The following PDE3A variants were observed in gnomAD, a reference collection of about 807,000 sequenced individuals.
PDE3A encodes the protein phosphodiesterase 3A.
Under a neutral mutation model 98.3 loss-of-function variants are expected in PDE3A, and 43 were observed. The observed-to-expected ratio is 0.44, with a 90% CI of 0.34 to 0.56. The LOEUF (loss-of-function observed/expected upper bound fraction) is 0.56, where lower values mean the gene tolerates loss of function less well. Ranked by LOEUF, PDE3A falls within the 20% of genes least tolerant of loss-of-function variation. The pLI is 0.01. For missense variants in PDE3A, 1,427 were observed against 1,440.7 expected, an observed-to-expected ratio of 0.99 and a Z score of 0.15; for synonymous variants, 663 against 567.9, an observed-to-expected ratio of 1.17 and a Z score of -2.38.
At chr12:20,393,645 A>T (rs10770647) in intron 1 of PDE3A, among the ~76,000 whole-genome samples, 34,375 of 152,010 alleles carry the variant, frequency 0.23, 4,463 homozygotes, top group East Asian at 0.4. Context: ...TCAATTAAAA[A>T]GTAAAGAAAA....
In PDE3A at chr12:20,376,363, G is replaced by C. The variant is rs1943570903; in HGVS notation, c.960+6119G>C. Among the ~76,000 whole-genome samples, 3 of 151,862 alleles carry C rather than the reference G, an allele frequency of 2.0e-5. No individual in the cohort carries two copies. The South Asian group carries it at 6.2e-4, about 31-fold the overall frequency. On this transcript the variant is annotated intron_variant, in intron 1 of 15. Coordinates refer to ENST00000359062, the MANE Select transcript of PDE3A (RefSeq NM_000921.5). ...TGAGGAAACAGTAGGAAAGGAGTCA[G>C]GCTGCTAACTTTAACCCTGGGTATC...
chr12:20,467,751 A>G (rs983584128), intron 1 of PDE3A, among the ~76,000 whole-genome samples: 1 of 151,798 alleles, frequency 6.6e-6, no homozygotes, highest in Non-Finnish European at 1.5e-5. Context: ...CCTGGCTAAC[A>G]TGGTGAAACC....
At position 20,613,620 on chromosome 12, in the gene PDE3A, C is replaced by T. The variant is rs1943923771; in HGVS notation, c.1189C>T (p.Pro397Ser). Residue 397 changes from proline to serine, a missense_variant, in exon 3 of 16, where the codon CCC (proline) becomes TCC (serine). Transcript: ENST00000359062. ...GGCCATTCACAAGCCCAGAGTGAAT[C>T]CCGTCACTTCGCTCAGTGAAAACTA... ...FQAIHKPRVN[P>S]VTSLSENYTC... 9.3e-6 allele frequency: 15 copies of T among 1,612,908 alleles called. No individual in the cohort carries two copies. The highest frequency in any genetic ancestry group is 1.2e-5 in the Non-Finnish European group (14 of 1,178,862).
intron 2 of PDE3A, among the ~76,000 whole-genome samples, chr12:20,602,254 A>G (rs1233088703): frequency 6.6e-6 from 1 of 152,202 alleles, no homozygotes; most frequent in Non-Finnish European, 1.5e-5. Context: ...TAAGAGAAAG[A>G]GAGAAAACCA....
intron 1 of PDE3A, among the ~76,000 whole-genome samples, chr12:20,470,319 G>A (rs1245762783): frequency 2.0e-5 from 3 of 152,086 alleles, no homozygotes; most frequent in Non-Finnish European, 2.9e-5. Flanking sequence ...GACTTGAGGT[G>A]GAATACTATA....
intron 1 of PDE3A, among the ~76,000 whole-genome samples, chr12:20,499,382 A>G (rs1303471204): frequency 6.6e-6 from 1 of 152,172 alleles, no homozygotes; most frequent in East Asian, 1.9e-4. Context: ...AGACTTTCAT[A>G]AGGATGCCGA....
intron 2 of PDE3A, among the ~76,000 whole-genome samples, chr12:20,583,418 C>G (rs193060394): frequency 9.5e-4 from 145 of 152,230 alleles, no homozygotes; most frequent in Non-Finnish European, 1.6e-3. Context: ...TTTGCCCTAT[C>G]TTAATTCCTA....
At position 20,633,215 on chromosome 12, in the gene PDE3A, T is replaced by C. The variant is rs142558377; in HGVS notation, c.1761-478T>C. On this transcript the variant is annotated intron_variant, in intron 6 of 15. Coordinates refer to ENST00000359062, the MANE Select transcript of PDE3A (RefSeq NM_000921.5). ...GTCCACCTGCCTTGGCCTCGAAAAG[T>C]GCTGGGATTACAGGCGTGAGCCCAT... is the stretch of plus-strand genomic sequence containing the variant. 8.1e-3 allele frequency among the ~76,000 whole-genome samples: 1,236 copies of C among 152,260 alleles called. 6 individuals carry two copies. The highest frequency in any genetic ancestry group is 0.012 in the Non-Finnish European group (844 of 68,026).
intron 1 of PDE3A, among the ~76,000 whole-genome samples, chr12:20,414,866 CA>C (rs1338200262): frequency 1.3e-5 from 2 of 151,956 alleles, no homozygotes; most frequent in African/African-American, 4.8e-5. Flanking sequence ...TTTTTCAGAG[CA>C]AAAGTTTGAT....
intron 1 of PDE3A, among the ~76,000 whole-genome samples, chr12:20,548,707 T>G (rs1236664177): frequency 6.6e-6 from 1 of 152,134 alleles, no homozygotes; most frequent in Non-Finnish European, 1.5e-5. Flanking sequence ...AATGAATTAT[T>G]TTGCAAAAAG....
intron 1 of PDE3A, among the ~76,000 whole-genome samples, chr12:20,384,893 G>T (rs375853951): frequency 5.3e-4 from 81 of 152,136 alleles, no homozygotes; most frequent in African/African-American, 1.9e-3. Flanking sequence ...AGTATTCCAT[G>T]GTGTATATGT....
chr12:20,654,084 A>G lies in PDE3A; in HGVS notation c.3063A>G (p.Leu1021=), dbSNP rs181063068. Reference sequence around the variant, plus strand: ...GCAACTCCTATGATTCAGCAGGACTAATGCCTGGAAAATGGGTGGAAGACA... The same window carrying G: ...GCAACTCCTATGATTCAGCAGGACTGATGCCTGGAAAATGGGTGGAAGACA... ...PLCNSYDSAG[L]MPGKWVEDSD... is the part of the protein sequence containing the mutation. The change falls in exon 15 of 16, where the codon CTA becomes CTG. Residue 1021 remains leucine (L), a synonymous_variant. Transcript: ENST00000359062. 1.2e-4 allele frequency: 186 copies of G among 1,614,132 alleles called. 1 individual carries two copies. The East Asian group carries it at 4.0e-3, about 35-fold the overall frequency.
In PDE3A at chr12:20,468,620, T is replaced by G. The variant is rs143269528; in HGVS notation, c.961-88040T>G. Among the ~76,000 whole-genome samples, 5 of 152,332 alleles carry G rather than the reference T, an allele frequency of 3.3e-5. No individual in the cohort carries two copies. In the East Asian group the frequency reaches 9.7e-4, roughly 29 times the overall value. On this transcript the variant is annotated intron_variant, in intron 1 of 15. Coordinates refer to ENST00000359062, the MANE Select transcript of PDE3A (RefSeq NM_000921.5). ...TCCCCTTCTATACACAGCTTCCCTG[T>G]AGCTCCCCTCTATACGCAGCTCCAA...
At position 20,393,975 on chromosome 12, in the gene PDE3A, C is replaced by T. The variant is rs138162984; in HGVS notation, c.960+23731C>T. 5.0e-3 allele frequency among the ~76,000 whole-genome samples: 754 copies of T among 152,078 alleles called. 2 individuals are homozygous for T. Among genetic ancestry groups the T allele is most frequent in the Non-Finnish European group, 7.7e-3 (520 of 67,972 alleles). ...GTGTCACATCCATCAGGTATGTTGA[C>T]GTGAGAGAAAAAGTTTACAAATCGC... is the stretch of plus-strand genomic sequence containing the variant. On this transcript the variant is annotated intron_variant, in intron 1 of 15. Coordinates refer to ENST00000359062, the MANE Select transcript of PDE3A (RefSeq NM_000921.5).
intron 1 of PDE3A, among the ~76,000 whole-genome samples, chr12:20,490,627 G>A (rs1025289166): frequency 6.6e-6 from 1 of 152,164 alleles, no homozygotes; most frequent in Non-Finnish European, 1.5e-5. Flanking sequence ...GCAATTCAAA[G>A]CAAATTTACT....
At position 20,420,217 on chromosome 12, in the gene PDE3A, C is replaced by T. The variant is rs567818859; in HGVS notation, c.960+49973C>T. ...TGGGTATCACATGGAGCCAGGGCTT[C>T]GGAGAAGAGAGAATGTCTGTATTGG... On this transcript the variant is annotated intron_variant, in intron 1 of 15. Transcript: ENST00000359062. Among the ~76,000 whole-genome samples the T allele has an allele frequency of 3.9e-5, 6 of 152,144 alleles. No homozygotes were observed. In the South Asian group the frequency reaches 8.3e-4, roughly 21 times the overall value.
At chr12:20,422,137 G>A (rs997146807) in intron 1 of PDE3A, among the ~76,000 whole-genome samples, 1 of 152,112 alleles carries the variant, frequency 6.6e-6, no homozygotes, top group Non-Finnish European at 1.5e-5. Flanking sequence ...ACTAGGTCAG[G>A]AGATCGAGAC....
intron 1 of PDE3A, among the ~76,000 whole-genome samples, chr12:20,464,087 A>T (rs1399535116): frequency 6.6e-6 from 1 of 152,146 alleles, no homozygotes; most frequent in East Asian, 1.9e-4. Context: ...CTCACAGTTC[A>T]TTTTATGTTG....
intron 1 of PDE3A, among the ~76,000 whole-genome samples, chr12:20,409,281 G>A (rs1429793569): frequency 6.6e-6 from 1 of 152,038 alleles, no homozygotes; most frequent in African/African-American, 2.4e-5. Context: ...TCTTGAATAG[G>A]TTTTACTTTT....
Sources: gnomAD v4.1 joint callset for allele counts (sites outside exome capture counted in the v4.1 genomes callset) on GRCh38, gnomAD v4.1.1 for gene constraint, MANE v1.5 for transcripts, NCBI Gene and HGNC (gene_info 2026-07-23, HGNC 2026-07-21) for gene names.